Variants in KLRG1 observed in about 807,000 individuals in gnomAD.
KLRG1 encodes killer cell lectin like receptor G1, also known as killer cell lectin-like receptor subfamily G member 1.
Under a neutral mutation model 21.8 loss-of-function variants are expected in KLRG1, and 16 were observed. That is an observed-to-expected ratio of 0.73 (90% CI 0.50 to 1.11). KLRG1 has a LOEUF of 1.11. KLRG1 is among the 50% of genes most tolerant of loss of function. KLRG1 has a pLI of 0.00. For missense variants in KLRG1, 173 were observed against 218.3 expected, an observed-to-expected ratio of 0.79 and a Z score of 1.31; for synonymous variants, 69 against 75.9, an observed-to-expected ratio of 0.91 and a Z score of 0.47.
At chr12:9,162,585 A>G in the KLRG1 span, 12 of 1,560,370 alleles carry the variant, frequency 7.7e-6, no homozygotes, top group South Asian at 1.2e-4. Context: ...GATTATGAAG[A>G]TGGACTCTTA....
the KLRG1 span, chr12:9,152,903 C>G: frequency 6.2e-7 from 1 of 1,614,118 alleles, no homozygotes; most frequent in Non-Finnish European, 8.5e-7. Context: ...ACTTTTAAAG[C>G]AAATGGGGAG....
At chr12:9,090,362 A>G in the KLRG1 span, 1 of 1,613,978 alleles carries the variant, frequency 6.2e-7, no homozygotes, top group East Asian at 2.2e-5. Context: ...TCACCTAATG[A>G]CTTTGGGGTT....
the KLRG1 span, chr12:9,101,800 A>G: frequency 2.4e-4 from 185 of 769,032 alleles, no homozygotes; most frequent in Non-Finnish European, 3.6e-4. Flanking sequence ...TCCACAATGA[A>G]AAGTGGGAGA....
At chr12:9,055,270 T>A in the KLRG1 span, among the ~76,000 whole-genome samples, 1 of 152,256 alleles carries the variant, frequency 6.6e-6, no homozygotes, top group South Asian at 2.1e-4. Context: ...GGCCAGTCAT[T>A]TTACCTGGTG....
chr12:8,974,207 G>C (rs1324003775), intron 1 of KLRG1, among the ~76,000 whole-genome samples: 7 of 147,876 alleles, frequency 4.7e-5, no homozygotes, highest in Non-Finnish European at 1.0e-4. Context: ...TCACTCTGTT[G>C]CCCAGGCTGG....
the KLRG1 span, among the ~76,000 whole-genome samples, chr12:9,180,026 A>G: frequency 6.6e-6 from 1 of 152,252 alleles, no homozygotes; most frequent in Non-Finnish European, 1.5e-5. Context: ...TGTTGGGCAG[A>G]TTAAGTGAGA....
the KLRG1 span, among the ~76,000 whole-genome samples, chr12:9,019,307 T>C: frequency 1.3e-5 from 2 of 152,222 alleles, no homozygotes; most frequent in African/African-American, 4.8e-5. Context: ...GGAACCCTCA[T>C]ACACTGTTGG....
chr12:9,195,848 TAA>T, the KLRG1 span, among the ~76,000 whole-genome samples: 21 of 146,906 alleles, frequency 1.4e-4, no homozygotes, highest in African/African-American at 2.8e-4. Flanking sequence ...TTAAAATATA[TAA>T]GTTAAACATA....
chr12:9,029,783 G>A, the KLRG1 span, among the ~76,000 whole-genome samples: 5 of 151,940 alleles, frequency 3.3e-5, 1 homozygote, highest in Non-Finnish European at 7.4e-5. Flanking sequence ...ATTTGAGACA[G>A]TCTCACTCTG....
the KLRG1 span, among the ~76,000 whole-genome samples, chr12:9,088,546 C>T: frequency 2.0e-5 from 3 of 152,008 alleles, no homozygotes; most frequent in South Asian, 4.2e-4. Flanking sequence ...GTATTTAGTA[C>T]GAAAAACATA....
chr12:8,992,388 A>C, intron 2 of KLRG1, 78 bp downstream of exon 2: 1 of 1,035,788 alleles, frequency 9.7e-7, no homozygotes, highest in African/African-American at 1.6e-5. Context: ...AGCTTTGAAA[A>C]ATCAAAAAAT....
chr12:8,964,756 C>T (rs2137231088), intron 1 of KLRG1, among the ~76,000 whole-genome samples: 1 of 150,634 alleles, frequency 6.6e-6, no homozygotes, highest in South Asian at 2.1e-4. Context: ...ATAGTTAGCT[C>T]TTCTTGTTGA....
chr12:9,157,929 C>A, the KLRG1 span: 1,646 of 1,071,722 alleles, frequency 1.5e-3, 16 homozygotes, highest in African/African-American at 0.021. Context: ...TCCTCAGTAT[C>A]TGTTTCCATT....
chr12:8,990,231 CAG>C (rs1946928745), intron 1 of KLRG1: 1 of 150,220 alleles, frequency 6.7e-6, no homozygotes, highest in Non-Finnish European at 1.5e-5. Context: ...AGAATGGTGA[CAG>C]GGAAGAAAAA....
At chr12:9,101,636 C>T in the KLRG1 span, 22 of 1,613,844 alleles carry the variant, frequency 1.4e-5, no homozygotes, top group Non-Finnish European at 1.8e-5. Context: ...CTGACACCCA[C>T]TGGTAGCCGT....
the KLRG1 span, chr12:9,165,429 G>A: frequency 1.3e-6 from 2 of 1,571,200 alleles, no homozygotes; most frequent in Non-Finnish European, 1.7e-6. Flanking sequence ...TCTCAAGTGA[G>A]AATTAATATG....
intron 1 of KLRG1, among the ~76,000 whole-genome samples, chr12:8,968,279 A>G (rs1301385330): frequency 7.5e-6 from 1 of 133,506 alleles, no homozygotes; most frequent in African/African-American, 2.7e-5. Context: ...AAAAATCTAT[A>G]CCATACAAAG....
At chr12:9,071,693 G>A in the KLRG1 span, among the ~76,000 whole-genome samples, 1 of 152,126 alleles carries the variant, frequency 6.6e-6, no homozygotes, top group Admixed American at 6.5e-5. Context: ...AACATGCAGT[G>A]TTTGGTTTTC....
chr12:9,189,212 G>A, the KLRG1 span, among the ~76,000 whole-genome samples: 1 of 152,058 alleles, frequency 6.6e-6, no homozygotes, highest in African/African-American at 2.4e-5. Context: ...GCAAAAAGAA[G>A]AAAGGAGGAG....
Sources: gnomAD v4.1 joint callset for allele counts (sites outside exome capture counted in the v4.1 genomes callset) on GRCh38, gnomAD v4.1.1 for gene constraint, MANE v1.5 for transcripts, NCBI Gene and HGNC (gene_info 2026-07-23, HGNC 2026-07-21) for gene names.